Variants in EXOC4 observed in about 807,000 individuals in gnomAD.
EXOC4 encodes exocyst complex component 4, also known as SEC8-like 1.
In EXOC4, 71 loss-of-function variants were observed where a neutral mutation model predicts 107.2. The ratio of observed to expected loss-of-function variants is 0.66; its 90% CI spans 0.55 to 0.81. EXOC4 has a LOEUF of 0.81. EXOC4 is among the 30% of genes least tolerant of loss of function. The probability of loss-of-function intolerance (pLI) is 0.00; values close to 1 mark genes in which losing one functional copy is unlikely to be tolerated. For synonymous variants in EXOC4, 456 were observed against 441.2 expected (o/e 1.03, Z -0.42); for missense variants, 1,108 against 1,189.6 (o/e 0.93, Z 1.01).
At chr7:133,477,395 A>G (rs1354609754) in intron 8 of EXOC4, among the ~76,000 whole-genome samples, 3 of 152,170 alleles carry the variant, frequency 2.0e-5, no homozygotes, top group African/African-American at 4.8e-5. Context: ...AATGTTGTAT[A>G]GTCAGAATCA....
intron 9 of EXOC4, among the ~76,000 whole-genome samples, chr7:133,579,748 A>G (rs896973853): frequency 1.3e-5 from 2 of 149,166 alleles, no homozygotes; most frequent in African/African-American, 5.0e-5. Flanking sequence ...GTACAGTGGC[A>G]TGATCTCAGC....
intron 7 of EXOC4, 145 bp from the exon 8 acceptor site, chr7:133,475,183 C>T (rs1798981215): frequency 3.1e-6 from 2 of 655,366 alleles, no homozygotes; most frequent in Admixed American, 3.3e-5. Context: ...TTTCTTAGAT[C>T]CCCAACTTGG....
At chr7:133,727,494 T>C (rs541611022) in intron 10 of EXOC4, 1 of 152,910 alleles carries the variant, frequency 6.5e-6, no homozygotes, top group Admixed American at 6.5e-5. Context: ...CCCTATTTGC[T>C]TGTTGGTGAT....
At chr7:133,495,329 T>C (rs1008180518) in intron 9 of EXOC4, among the ~76,000 whole-genome samples, 1 of 152,138 alleles carries the variant, frequency 6.6e-6, no homozygotes, top group Non-Finnish European at 1.5e-5. Flanking sequence ...CTTTCTCCCC[T>C]TTTTTAACCT....
chr7:133,355,094 A>G (rs1196696889), intron 5 of EXOC4, among the ~76,000 whole-genome samples: 2 of 152,186 alleles, frequency 1.3e-5, no homozygotes, highest in African/African-American at 4.8e-5. Context: ...TAGCAGTTAC[A>G]AGAACTCATT....
rs528710615 is a variant in EXOC4 at position 133,342,561 on chromosome 7, T to G, written c.764-13769T>G. 8.5e-5 allele frequency among the ~76,000 whole-genome samples: 13 copies of G among 152,312 alleles called. No homozygotes were observed. In the South Asian group the frequency reaches 2.7e-3, roughly 32 times the overall value. On this transcript the variant is annotated intron_variant, in intron 5 of 17. Coordinates refer to ENST00000253861, the MANE Select transcript of EXOC4 (RefSeq NM_021807.4). Reference sequence around the variant, plus strand: ...TCTTTGAGCTTCTTTTATTTGGATGTCTAGATCTCTAGCAAGGCCAGGGAA... The same window carrying G: ...TCTTTGAGCTTCTTTTATTTGGATGGCTAGATCTCTAGCAAGGCCAGGGAA...
chr7:133,995,573 G>T (rs1017395482), intron 14 of EXOC4, among the ~76,000 whole-genome samples: 1 of 152,206 alleles, frequency 6.6e-6, no homozygotes, highest in Non-Finnish European at 1.5e-5. Context: ...TTAGAGAGGA[G>T]ATGCAATGTC....
At chr7:133,297,998 A>G (rs1344234929) in intron 3 of EXOC4, among the ~76,000 whole-genome samples, 5 of 152,208 alleles carry the variant, frequency 3.3e-5, no homozygotes, top group East Asian at 3.9e-4. Context: ...CCAGATGGGA[A>G]CTAGATGTTT....
Position 133,807,174 on chromosome 7 carries a change from A to G in EXOC4, c.1515-10151A>G, listed in dbSNP as rs777803088. The stretch of plus-strand genomic sequence containing the variant: ...TGGTCTTGGAACCAGTCCCCCAGGG[A>G]TACTGAAAGATGACTACAATAAGAA... On this transcript the variant is annotated intron_variant, in intron 10 of 17. Coordinates refer to ENST00000253861, the MANE Select transcript of EXOC4 (RefSeq NM_021807.4). Among the ~76,000 whole-genome samples the G allele has an allele frequency of 1.4e-4, 22 of 152,288 alleles. 1 individual carries two copies. The highest frequency in any genetic ancestry group is 2.6e-4 in the Non-Finnish European group (18 of 68,012).
intron 17 of EXOC4, among the ~76,000 whole-genome samples, chr7:134,032,217 A>G (rs536396275): frequency 6.6e-6 from 1 of 152,338 alleles, no homozygotes; most frequent in African/African-American, 2.4e-5. Flanking sequence ...AACATCCTCC[A>G]TATTGAAAGT....
intron 5 of EXOC4, among the ~76,000 whole-genome samples, chr7:133,355,585 ATTTC>A (rs1167444019): frequency 6.6e-5 from 10 of 152,118 alleles, no homozygotes; most frequent in African/African-American, 2.4e-4. Context: ...AGTTTTGGTT[ATTTC>A]TTCCATTTCA....
At chr7:133,262,082 T>A (rs905838078) in intron 1 of EXOC4, among the ~76,000 whole-genome samples, 1 of 152,194 alleles carries the variant, frequency 6.6e-6, no homozygotes, top group South Asian at 2.1e-4. Context: ...ACTTTGTTAG[T>A]CCCTGTTGTT....
At chr7:133,552,361 T>C (rs1039126672) in intron 9 of EXOC4, among the ~76,000 whole-genome samples, 1 of 152,172 alleles carries the variant, frequency 6.6e-6, no homozygotes, top group African/African-American at 2.4e-5. Context: ...GCAGAAATCA[T>C]TGAAGATGTC....
chr7:134,051,069 T>G (rs1795774136), intron 17 of EXOC4, among the ~76,000 whole-genome samples: 3 of 152,132 alleles, frequency 2.0e-5, no homozygotes, highest in Admixed American at 6.5e-5. Context: ...CAGGTGACAC[T>G]GAGATTTTGA....
At chr7:133,969,069 C>G (rs1801140088) in intron 14 of EXOC4, among the ~76,000 whole-genome samples, 1 of 152,118 alleles carries the variant, frequency 6.6e-6, no homozygotes, top group Non-Finnish European at 1.5e-5. Flanking sequence ...ATCTTGGCTT[C>G]ACGCTTTATT....
intron 14 of EXOC4, among the ~76,000 whole-genome samples, chr7:133,973,429 A>G (rs1457069217): frequency 6.6e-6 from 1 of 152,148 alleles, no homozygotes; most frequent in East Asian, 1.9e-4. Context: ...TGGAGGGTAA[A>G]CTAAGTGAAA....
chr7:133,896,209 CA>C (rs1478388221), intron 12 of EXOC4, among the ~76,000 whole-genome samples: 4 of 152,120 alleles, frequency 2.6e-5, no homozygotes, highest in African/African-American at 9.7e-5. Context: ...GCATCAGTAG[CA>C]ATGAAAAACC....
At chr7:133,987,452 G>T (rs1304548028) in intron 14 of EXOC4, among the ~76,000 whole-genome samples, 7 of 151,778 alleles carry the variant, frequency 4.6e-5, no homozygotes, top group African/African-American at 1.7e-4. Context: ...TGGAAGGAGG[G>T]AAGGAATGAA....
intron 4 of EXOC4, among the ~76,000 whole-genome samples, chr7:133,312,719 A>G (rs183113044): frequency 3.9e-4 from 60 of 152,172 alleles, no homozygotes; most frequent in Non-Finnish European, 1.5e-5. Flanking sequence ...TTTTTTTTCA[A>G]GCAGTCCTTG....
Sources: gnomAD v4.1 joint callset for allele counts (sites outside exome capture counted in the v4.1 genomes callset) on GRCh38, gnomAD v4.1.1 for gene constraint, MANE v1.5 for transcripts, NCBI Gene and HGNC (gene_info 2026-07-23, HGNC 2026-07-21) for gene names.